The following RASAL2 variants were observed in gnomAD, a reference collection of about 807,000 sequenced individuals.
RASAL2 encodes the protein ras GTPase-activating protein nGAP.
RASAL2 carries 58 observed loss-of-function variants against 128.9 expected under a neutral mutation model. The observed-to-expected ratio is 0.45, with a 90% CI of 0.36 to 0.56. The LOEUF is 0.56. Ranked by LOEUF, RASAL2 falls within the 20% of genes least tolerant of loss-of-function variation. RASAL2 has a pLI of 0.00. For synonymous variants in RASAL2, 561 were observed against 580.8 expected (o/e 0.97, Z 0.49); for missense variants, 1,360 against 1,601.6 (o/e 0.85, Z 2.57).
chr1:178,389,007 C>G (rs184761958), intron 3 of RASAL2, among the ~76,000 whole-genome samples: 1 of 152,004 alleles, frequency 6.6e-6, no homozygotes. Context: ...AGAGAGGGAG[C>G]GAGAGAAAAA....
chr1:178,178,733 A>G (rs1466310060), intron 1 of RASAL2, among the ~76,000 whole-genome samples: 1 of 152,206 alleles, frequency 6.6e-6, no homozygotes, highest in East Asian at 1.9e-4. Flanking sequence ...ACAAGAGATC[A>G]TAATTAAAAA....
In RASAL2 at chr1:178,457,722, A is replaced by G; in HGVS notation, c.2430A>G (p.Thr810=). 1.9e-6 allele frequency: 3 copies of G among 1,614,184 alleles called. No individual in the cohort carries two copies. Among genetic ancestry groups the G allele is most frequent in the South Asian group, 2.2e-5 (2 of 91,084 alleles). ...TAAAATCTCCAAGCCAGGACAACAC[A>G]GACAGCTACTTCAGAGGGAAAACAT... ...HKLKSPSQDN[T]DSYFRGKTLL... is the part of the protein sequence containing the mutation. The change falls in exon 14 of 18, where the codon ACA becomes ACG. Residue 810 remains threonine (T), a synonymous_variant. Coordinates refer to ENST00000367649, the MANE Select transcript of RASAL2 (RefSeq NM_170692.4).
intron 1 of RASAL2, among the ~76,000 whole-genome samples, chr1:178,276,326 A>C (rs745562053): frequency 6.6e-6 from 1 of 152,134 alleles, no homozygotes; most frequent in Non-Finnish European, 1.5e-5. Context: ...AAAATAAGTA[A>C]AATTAAACTT....
chr1:178,294,249 C>T (rs548056780), intron 2 of RASAL2, among the ~76,000 whole-genome samples: 1 of 152,158 alleles, frequency 6.6e-6, no homozygotes, highest in Non-Finnish European at 1.5e-5. Context: ...AACAGATACA[C>T]TGAGAATGAT....
chr1:178,448,756 T>G (rs560689307), intron 9 of RASAL2, among the ~76,000 whole-genome samples: 35 of 152,314 alleles, frequency 2.3e-4, no homozygotes, highest in Non-Finnish European at 4.3e-4. Flanking sequence ...TTATTCATAT[T>G]TGAAATTCAG....
chr1:178,312,416 C>G (rs1034197819), intron 3 of RASAL2, among the ~76,000 whole-genome samples: 62 of 152,202 alleles, frequency 4.1e-4, no homozygotes, highest in African/African-American at 1.5e-3. Context: ...AATTTTTTTC[C>G]AGTCCAGAAT....
intron 1 of RASAL2, among the ~76,000 whole-genome samples, chr1:178,100,801 C>CA (rs1658867939): frequency 6.6e-6 from 1 of 152,092 alleles, no homozygotes; most frequent in African/African-American, 2.4e-5. Flanking sequence ...AGGTGAACCA[C>CA]AAAAAAGCAT....
chr1:178,268,598 G>T (rs796891526), intron 1 of RASAL2, among the ~76,000 whole-genome samples: 11 of 152,236 alleles, frequency 7.2e-5, no homozygotes, highest in African/African-American at 2.6e-4. Context: ...TCCAGCCTGG[G>T]CAACAAAGCA....
intron 5 of RASAL2, among the ~76,000 whole-genome samples, chr1:178,434,048 T>A (rs1238226820): frequency 6.6e-6 from 1 of 152,154 alleles, no homozygotes; most frequent in African/African-American, 2.4e-5. Flanking sequence ...AAATAAAAGC[T>A]GTAGTCTGTC....
At chr1:178,296,903 C>T (rs1462597869) in intron 2 of RASAL2, among the ~76,000 whole-genome samples, 1 of 151,842 alleles carries the variant, frequency 6.6e-6, no homozygotes, top group Non-Finnish European at 1.5e-5. Flanking sequence ...AACTCCTGAA[C>T]TCAGGTGATC....
At chr1:178,433,410 A>T (rs141091368) in intron 5 of RASAL2, among the ~76,000 whole-genome samples, 33 of 152,112 alleles carry the variant, frequency 2.2e-4, no homozygotes, top group African/African-American at 6.5e-4. Flanking sequence ...TTGTTAACTC[A>T]CTAGATTATA....
intron 9 of RASAL2, among the ~76,000 whole-genome samples, chr1:178,446,125 C>T (rs1420145202): frequency 6.6e-6 from 1 of 152,204 alleles, no homozygotes; most frequent in African/African-American, 2.4e-5. Context: ...GAATTTTTAA[C>T]ATAACTAATT....
intron 1 of RASAL2, among the ~76,000 whole-genome samples, chr1:178,213,792 C>A (rs1392942742): frequency 1.3e-5 from 2 of 151,246 alleles, no homozygotes; most frequent in African/African-American, 2.4e-5. Flanking sequence ...TATGAGGGAA[C>A]CTTCTGGGAT....
chr1:178,221,522 T>A (rs1663613511), intron 1 of RASAL2, among the ~76,000 whole-genome samples: 1 of 152,196 alleles, frequency 6.6e-6, no homozygotes, highest in Non-Finnish European at 1.5e-5. Flanking sequence ...TTTGATAACA[T>A]GTACTTGAAA....
chr1:178,425,736 A>G (rs1016986154), intron 5 of RASAL2, among the ~76,000 whole-genome samples: 1 of 152,190 alleles, frequency 6.6e-6, no homozygotes, highest in Admixed American at 6.5e-5. Context: ...GCCCATAAAA[A>G]GACACATGCT....
chr1:178,262,431 C>T (rs1174372255), intron 1 of RASAL2, among the ~76,000 whole-genome samples: 6 of 152,178 alleles, frequency 3.9e-5, no homozygotes, highest in African/African-American at 1.4e-4. Flanking sequence ...GGATTTAAGG[C>T]TTAATTTGTG....
intron 1 of RASAL2, among the ~76,000 whole-genome samples, chr1:178,108,860 C>T (rs12738016): frequency 0.1 from 15,914 of 151,968 alleles, 954 homozygotes; most frequent in Middle Eastern, 0.17. Flanking sequence ...TTTTATTAAC[C>T]GTAGATAACA....
chr1:178,169,675 TG>T (rs1447182757), intron 1 of RASAL2, among the ~76,000 whole-genome samples: 2 of 151,972 alleles, frequency 1.3e-5, no homozygotes, highest in Non-Finnish European at 2.9e-5. Flanking sequence ...TTCTATTTAT[TG>T]TTGAAATTAT....
At chr1:178,183,059 C>T (rs1662169351) in intron 1 of RASAL2, among the ~76,000 whole-genome samples, 1 of 152,176 alleles carries the variant, frequency 6.6e-6, no homozygotes. Flanking sequence ...ACCCACCGCT[C>T]ACCTCCTGCT....
Sources: allele counts gnomAD v4.1 joint callset (sites outside exome capture counted in the v4.1 genomes callset), GRCh38; gene constraint gnomAD v4.1.1; transcripts MANE v1.5; gene names NCBI Gene and HGNC (gene_info 2026-07-23, HGNC 2026-07-21).